The following RAB8B variants were observed in gnomAD, a reference collection of about 807,000 sequenced individuals.
RAB8B encodes RAB8B, member RAS oncogene family.
Under a neutral mutation model 32.0 loss-of-function variants are expected in RAB8B, and 11 were observed. The ratio of observed to expected loss-of-function variants is 0.34; its 90% confidence interval spans 0.22 to 0.57. The LOEUF is 0.57. Among genes scored for constraint, RAB8B ranks in the 20% least tolerant of loss-of-function variants. RAB8B has a pLI of 0.86. For missense variants in RAB8B, 190 were observed against 258.5 expected, an observed-to-expected ratio of 0.73 and a Z score of 1.82; for synonymous variants, 103 against 89.6, an observed-to-expected ratio of 1.15 and a Z score of -0.85.
chr15:63,201,671 A>G (rs955174453), intron 1 of RAB8B, among the ~76,000 whole-genome samples: 31 of 152,204 alleles, frequency 2.0e-4, no homozygotes, highest in African/African-American at 7.2e-4. Context: ...GCCGTTTACA[A>G]AGTACTTTCA....
At chr15:63,191,052 GACCACCTTA>G (rs1212005283) in intron 1 of RAB8B, among the ~76,000 whole-genome samples, 1 of 152,200 alleles carries the variant, frequency 6.6e-6, no homozygotes, top group Non-Finnish European at 1.5e-5. Flanking sequence ...TTTTAGAAGT[GACCACCTTA>G]ACATCATTTC....
At chr15:63,226,695 G>A (rs1261178372) in intron 1 of RAB8B, among the ~76,000 whole-genome samples, 1 of 152,098 alleles carries the variant, frequency 6.6e-6, no homozygotes, top group East Asian at 1.9e-4. Context: ...TAACTTCTTT[G>A]TGTTACAGGA....
chr15:63,228,564 C>T (rs529399729), intron 1 of RAB8B, among the ~76,000 whole-genome samples: 26 of 152,178 alleles, frequency 1.7e-4, no homozygotes, highest in African/African-American at 6.3e-4. Context: ...TTCTTTGTTT[C>T]CCACATGCTG....
intron 1 of RAB8B, among the ~76,000 whole-genome samples, chr15:63,207,706 C>T (rs1038234672): frequency 1.3e-5 from 2 of 151,960 alleles, no homozygotes; most frequent in African/African-American, 4.8e-5. Context: ...ACTACAGGTG[C>T]GTGCCACCAC....
At chr15:63,250,142 C>CA (rs1407225908) in intron 3 of RAB8B, among the ~76,000 whole-genome samples, 4 of 150,398 alleles carry the variant, frequency 2.7e-5, no homozygotes, top group African/African-American at 7.3e-5. Context: ...GACTCCGTCT[C>CA]AAAAAAAAAG....
intron 1 of RAB8B, among the ~76,000 whole-genome samples, chr15:63,213,207 T>C (rs2037761846): frequency 6.6e-6 from 1 of 152,236 alleles, no homozygotes; most frequent in South Asian, 2.1e-4. Context: ...TGTAACTAAG[T>C]TATTACTAGA....
intron 1 of RAB8B, among the ~76,000 whole-genome samples, chr15:63,236,528 T>C (rs1424069762): frequency 6.6e-6 from 1 of 152,162 alleles, no homozygotes; most frequent in East Asian, 1.9e-4. Context: ...TGACTCAGGG[T>C]CATCATTTTG....
chr15:63,229,213 G>T (rs2037913514), intron 1 of RAB8B, among the ~76,000 whole-genome samples: 1 of 152,340 alleles, frequency 6.6e-6, no homozygotes. Context: ...GAGGAGGAAA[G>T]CTATTTTCCA....
At chr15:63,203,656 T>C (rs1179595277) in intron 1 of RAB8B, among the ~76,000 whole-genome samples, 2 of 152,266 alleles carry the variant, frequency 1.3e-5, no homozygotes. Flanking sequence ...TTCTAGGCAT[T>C]AACATTATTC....
At chr15:63,235,946 T>A (rs2037975548) in intron 1 of RAB8B, among the ~76,000 whole-genome samples, 1 of 152,210 alleles carries the variant, frequency 6.6e-6, no homozygotes. Flanking sequence ...AGAGGAAGTT[T>A]CCCCACCAAG....
chr15:63,203,693 A>G (rs1404488750), intron 1 of RAB8B, among the ~76,000 whole-genome samples: 1 of 152,236 alleles, frequency 6.6e-6, no homozygotes, highest in Admixed American at 6.5e-5. Flanking sequence ...AATTCTTGCA[A>G]CGCGTCTTAG....
At position 63,189,757 on chromosome 15, in the gene RAB8B, G is replaced by A. The variant is rs1289180883; in HGVS notation, c.124+9G>A. ...CTTCATCTCCACCATCGGTGAGGGA[G>A]GGGCCGCGGCCCGGGACCGGGTAGA... is the stretch of plus-strand genomic sequence containing the variant. On this transcript the variant is annotated intron_variant, in intron 1 of 7. Coordinates refer to ENST00000321437, the MANE Select transcript of RAB8B (RefSeq NM_016530.3). 8.8e-6 allele frequency: 14 copies of A among 1,588,708 alleles called. No homozygotes were observed. Among genetic ancestry groups the A allele is most frequent in the Non-Finnish European group, 1.2e-5 (14 of 1,165,936 alleles).
intron 1 of RAB8B, among the ~76,000 whole-genome samples, chr15:63,194,198 A>T (rs2037582311): frequency 6.6e-6 from 1 of 152,182 alleles, no homozygotes; most frequent in African/African-American, 2.4e-5. Context: ...AATTTTATAA[A>T]TAAAAAAAAA....
intron 1 of RAB8B, among the ~76,000 whole-genome samples, chr15:63,204,592 A>G (rs1033323187): frequency 2.0e-5 from 3 of 152,208 alleles, no homozygotes; most frequent in African/African-American, 7.2e-5. Flanking sequence ...TTGTTTGCAT[A>G]CATGAATTCG....
chr15:63,243,414 C>T (rs2038047749), intron 1 of RAB8B, among the ~76,000 whole-genome samples: 1 of 152,216 alleles, frequency 6.6e-6, no homozygotes, highest in Non-Finnish European at 1.5e-5. Flanking sequence ...CTGGTCTCCT[C>T]AGAAAGCTTA....
intron 3 of RAB8B, chr15:63,251,374 A>T: frequency 2.2e-6 from 1 of 452,160 alleles, no homozygotes; most frequent in South Asian, 1.6e-5. Context: ...TTAGACACAC[A>T]TGCCTTTCTG....
Position 63,190,317 on chromosome 15 carries a change from G to A in RAB8B, c.124+569G>A, listed in dbSNP as rs2037545306. 2.0e-5 allele frequency among the ~76,000 whole-genome samples: 3 copies of A among 152,194 alleles called. 1 individual carries two copies. In the East Asian group the frequency reaches 5.8e-4, roughly 29 times the overall value. ...AAGAAGGGGACGGCTGGCCACAGGA[G>A]GTCTGGACTGAGATGTCGTAGGAGG... On this transcript the variant is annotated intron_variant, in intron 1 of 7. Coordinates refer to ENST00000321437, the MANE Select transcript of RAB8B (RefSeq NM_016530.3).
intron 1 of RAB8B, among the ~76,000 whole-genome samples, chr15:63,202,456 C>T (rs1002550728): frequency 3.9e-5 from 6 of 152,128 alleles, no homozygotes; most frequent in Non-Finnish European, 8.8e-5. Flanking sequence ...TTGGGTCTCC[C>T]GGTTTCTAAC....
At chr15:63,234,571 C>G (rs1356609887) in intron 1 of RAB8B, among the ~76,000 whole-genome samples, 2 of 152,202 alleles carry the variant, frequency 1.3e-5, no homozygotes, top group Non-Finnish European at 2.9e-5. Context: ...CCAAGCCCTT[C>G]CCCTCAGCTG....
Sources: allele counts gnomAD v4.1 joint callset (sites outside exome capture counted in the v4.1 genomes callset), GRCh38; gene constraint gnomAD v4.1.1; transcripts MANE v1.5; gene names NCBI Gene and HGNC (gene_info 2026-07-23, HGNC 2026-07-21).